Variants in CPXM2 observed in about 807,000 individuals in gnomAD.
The protein encoded by CPXM2 is carboxypeptidase X, M14 family member 2, also known as inactive carboxypeptidase-like protein X2.
A neutral mutation model predicts 86.1 loss-of-function variants in CPXM2; 66 were observed. The observed-to-expected ratio is 0.77, with a 90% CI of 0.63 to 0.94. The LOEUF is 0.94. CPXM2 is among the 40% of genes least tolerant of loss of function. The pLI is 0.00. For synonymous variants in CPXM2, 388 were observed against 400.2 expected (o/e 0.97, Z 0.36); for missense variants, 948 against 1,026.3 (o/e 0.92, Z 1.04).
intron 3 of CPXM2, among the ~76,000 whole-genome samples, chr10:123,848,538 T>A (rs1286480904): frequency 1.3e-5 from 2 of 152,160 alleles, no homozygotes; most frequent in Non-Finnish European, 2.9e-5. Context: ...ATTAACTATT[T>A]AAAAGAAGAA....
At chr10:123,753,714 G>T (rs1032068045) in intron 13 of CPXM2, among the ~76,000 whole-genome samples, 1 of 152,144 alleles carries the variant, frequency 6.6e-6, no homozygotes, top group Non-Finnish European at 1.5e-5. Flanking sequence ...CTTCATATTT[G>T]GTTTATAAAA....
Position 123,755,527 on chromosome 10 carries a change from C to T in CPXM2, c.1918-765G>A, listed in dbSNP as rs568793990. On this transcript the variant is annotated intron_variant, in intron 12 of 13. Coordinates refer to ENST00000241305, the MANE Select transcript of CPXM2 (RefSeq NM_198148.3). ...GCTTAAAAAATATTAGGATCTGAGA[C>T]GGTTCACAGAAACACATTTACTAAA... Among the ~76,000 whole-genome samples, 87 of 152,280 alleles carry T rather than the reference C, an allele frequency of 5.7e-4. 3 individuals carry two copies. The highest frequency in any genetic ancestry group is 1.7e-3 in the African/African-American group (71 of 41,540).
chr10:123,805,987 T>C (rs909744433), intron 4 of CPXM2, among the ~76,000 whole-genome samples: 4 of 152,204 alleles, frequency 2.6e-5, no homozygotes, highest in Non-Finnish European at 5.9e-5. Context: ...TCCAATTCCA[T>C]ATGTATTTTA....
chr10:123,866,943 G>C (rs1009643157), intron 2 of CPXM2, among the ~76,000 whole-genome samples: 2 of 152,006 alleles, frequency 1.3e-5, no homozygotes, highest in African/African-American at 4.8e-5. Context: ...TCCCACGTCT[G>C]CCTCACTCTG....
In CPXM2 at chr10:123,746,704, C is replaced by T; in HGVS notation, c.*60G>A. On this transcript the variant is annotated 3_prime_UTR_variant, in exon 14 of 14. Transcript: ENST00000241305. ...AACAGTGAGTGAGTCCACTATGGAG[C>T]TACTACCAGGTTGGTTTAATTTGCA... The T allele has an allele frequency of 6.6e-7, 1 of 1,512,578 alleles. No homozygotes were observed. 93.7% of individuals were successfully genotyped at this position (1,512,578 alleles called of 1,614,324 possible). A position where few individuals can be genotyped will look rare whatever the true frequency, so the allele number is the denominator to read the frequency against.
chr10:123,788,654 C>A (rs1847128049), intron 6 of CPXM2, among the ~76,000 whole-genome samples: 1 of 152,206 alleles, frequency 6.6e-6, no homozygotes, highest in Non-Finnish European at 1.5e-5. Context: ...TCAGAATAAA[C>A]CACTTTCTTT....
chr10:123,881,737 G>T (rs774194434), intron 1 of CPXM2, among the ~76,000 whole-genome samples: 1 of 152,228 alleles, frequency 6.6e-6, no homozygotes, highest in African/African-American at 2.4e-5. Context: ...GGGTGTCCCT[G>T]TGGGGAAAGA....
chr10:123,855,823 A>G (rs769782849), intron 3 of CPXM2, among the ~76,000 whole-genome samples: 2 of 152,110 alleles, frequency 1.3e-5, no homozygotes, highest in Non-Finnish European at 2.9e-5. Flanking sequence ...TTTTTAAGGA[A>G]ATGACTGAGG....
intron 10 of CPXM2, among the ~76,000 whole-genome samples, 185 bp from the exon 11 acceptor site, chr10:123,762,354 C>T (rs1173033275): frequency 6.6e-6 from 1 of 152,090 alleles, no homozygotes; most frequent in African/African-American, 2.4e-5. Context: ...CCAATCAAAA[C>T]GAACAGGCTT....
intron 2 of CPXM2, among the ~76,000 whole-genome samples, chr10:123,937,467 A>AT (rs1564826833): frequency 2.9e-4 from 35 of 119,942 alleles, no homozygotes; most frequent in African/African-American, 1.1e-3. Context: ...AAGACAACAA[A>AT]ACAACACACA....
At chr10:123,771,554 C>T (rs1056907086) in intron 7 of CPXM2, among the ~76,000 whole-genome samples, 8 of 152,166 alleles carry the variant, frequency 5.3e-5, no homozygotes, top group African/African-American at 1.9e-4. Flanking sequence ...CTGCCAGTAA[C>T]TTGATCTTGG....
intron 2 of CPXM2, among the ~76,000 whole-genome samples, chr10:123,914,736 G>C (rs1168530361): frequency 6.6e-6 from 1 of 152,068 alleles, no homozygotes; most frequent in African/African-American, 2.4e-5. Context: ...TTTCTTCCCT[G>C]ATTCCCCAAG....
In CPXM2 at chr10:123,898,287, C is replaced by A. The variant is rs371971555; in HGVS notation, n.175-17978G>T. ...TCAATTAAAATGGGCGTCAAACAAT[C>A]TTTATTAAAAAAAATTCTAAGCCAG... On this transcript the variant is annotated intron_variant and non_coding_transcript_variant, in intron 2 of 19. Transcript: ENST00000368854. Among the ~76,000 whole-genome samples the A allele has an allele frequency of 1.9e-3, 294 of 152,184 alleles. 5 individuals are homozygous for A. The Middle Eastern group carries it at 0.02, about 11-fold the overall frequency.
At chr10:123,763,564 G>A (rs1358398857) in intron 10 of CPXM2, among the ~76,000 whole-genome samples, 3 of 150,574 alleles carry the variant, frequency 2.0e-5, no homozygotes, top group Non-Finnish European at 4.4e-5. Flanking sequence ...AAAAAGGCGG[G>A]GGCAGAGGGG....
rs116219749 is a variant in CPXM2 at position 123,753,901 on chromosome 10, C to T, written c.2017+762G>A. Among the ~76,000 whole-genome samples the T allele has an allele frequency of 7.7e-3, 1,167 of 152,278 alleles. 11 individuals are homozygous for T. Among genetic ancestry groups the T allele is most frequent in the African/African-American group, 0.027 (1,102 of 41,562 alleles). On this transcript the variant is annotated intron_variant, in intron 13 of 13. Coordinates refer to ENST00000241305, the MANE Select transcript of CPXM2 (RefSeq NM_198148.3). The stretch of plus-strand genomic sequence containing the variant: ...CCTGACTAGTTAACACCATGAGACA[C>T]TCATCCCTTCCAGTGAGTGGGAGCT...
intron 3 of CPXM2, chr10:123,843,120 CTT>C (rs765282267): frequency 2.7e-3 from 733 of 273,016 alleles, no homozygotes; most frequent in South Asian, 4.5e-3. Flanking sequence ...ACCAAAAATT[CTT>C]TTTTTTTTTT....
intron 2 of CPXM2, among the ~76,000 whole-genome samples, chr10:123,873,606 C>T (rs1944929477): frequency 6.6e-6 from 1 of 152,128 alleles, no homozygotes; most frequent in Admixed American, 6.5e-5. Flanking sequence ...CCTGCTCTAC[C>T]AGATGTCAAG....
chr10:123,800,188 C>T (rs1216235020), intron 4 of CPXM2, among the ~76,000 whole-genome samples: 2 of 151,968 alleles, frequency 1.3e-5, no homozygotes, highest in Admixed American at 1.3e-4. Context: ...TTCAAAAGAA[C>T]AGCTGGTTCT....
At chr10:123,819,234 T>C (rs1847876583) in intron 4 of CPXM2, among the ~76,000 whole-genome samples, 1 of 152,130 alleles carries the variant, frequency 6.6e-6, no homozygotes, top group Non-Finnish European at 1.5e-5. Context: ...ATCCATTAGG[T>C]TGCCTCTTAA....
Sources: allele counts gnomAD v4.1 joint callset (sites outside exome capture counted in the v4.1 genomes callset), GRCh38; gene constraint gnomAD v4.1.1; transcripts MANE v1.5; gene names NCBI Gene and HGNC (gene_info 2026-07-23, HGNC 2026-07-21).